Variants in NOX4 observed in about 807,000 individuals in gnomAD.
NOX4 encodes the protein NADPH oxidase 4.
Under a neutral mutation model 87.6 loss-of-function variants are expected in NOX4, and 69 were observed. That is an observed-to-expected ratio of 0.79 (90% CI 0.65 to 0.96). The LOEUF is 0.96. NOX4 is among the 40% of genes least tolerant of loss of function. NOX4 has a pLI of 0.00. For synonymous variants in NOX4, 275 were observed against 238.2 expected, an observed-to-expected ratio of 1.15 and a Z score of -1.42; for missense variants, 680 against 681.5, an observed-to-expected ratio of 1.00 and a Z score of 0.02.
chr11:89,561,971 C>T, the NOX4 span, among the ~76,000 whole-genome samples: 1 of 152,038 alleles, frequency 6.6e-6, no homozygotes, highest in Non-Finnish European at 1.5e-5. Flanking sequence ...GAAAGTACAT[C>T]CCAGGGAAAG....
chr11:89,346,472 T>TAA (rs537516845), intron 13 of NOX4, among the ~76,000 whole-genome samples: 10 of 139,264 alleles, frequency 7.2e-5, no homozygotes, highest in African/African-American at 2.3e-4. Flanking sequence ...TGCCTAAAAA[T>TAA]AAAAAAAAAA....
chr11:89,403,869 G>A (rs1942019273), intron 8 of NOX4, among the ~76,000 whole-genome samples: 1 of 152,172 alleles, frequency 6.6e-6, no homozygotes, highest in African/African-American at 2.4e-5. Context: ...GTCTCTGGTT[G>A]TATTCACCAT....
At chr11:89,350,602 T>C (rs568082845) in intron 13 of NOX4, among the ~76,000 whole-genome samples, 6 of 152,308 alleles carry the variant, frequency 3.9e-5, no homozygotes, top group African/African-American at 1.4e-4. Flanking sequence ...AGTTGCTTTG[T>C]AACCCATATT....
At chr11:89,494,495 G>T (rs2135506462), upstream of NOX4, among the ~76,000 whole-genome samples, 1 of 152,162 alleles carries the variant, frequency 6.6e-6, no homozygotes, top group East Asian at 1.9e-4. Context: ...AACTTCTTAA[G>T]GACAAAAATC....
At position 89,325,909 on chromosome 11, in the gene NOX4, ATGTG is replaced by A. The variant is rs67347334; in HGVS notation, c.*843_*846del. On this transcript the variant is annotated 3_prime_UTR_variant, in exon 18 of 18. Transcript: ENST00000263317. ...TGTATATATATATATATATATATAT[ATGTG>A]TGTGTGTGTGTATATATATATGTGT... 8.2e-5 allele frequency: 10 copies of A among 122,266 alleles called. No homozygotes were observed. Among genetic ancestry groups the A allele is most frequent in the East Asian group, 2.2e-4 (1 of 4,492 alleles). 7.6% of individuals were successfully genotyped at this position (122,266 alleles called of 1,614,324 possible).
intron 2 of NOX4, among the ~76,000 whole-genome samples, chr11:89,489,735 A>AG (rs1189468175): frequency 1.3e-5 from 2 of 151,270 alleles, no homozygotes. Flanking sequence ...CTCAAAAAAA[A>AG]AAAAAGAAAG....
chr11:89,501,107 G>A (rs568716466), upstream of NOX4, among the ~76,000 whole-genome samples: 12 of 152,054 alleles, frequency 7.9e-5, no homozygotes, highest in South Asian at 1.7e-3. Context: ...CGTATTTTTG[G>A]TATGTTTTGG....
chr11:89,532,110 G>A, the NOX4 span, among the ~76,000 whole-genome samples: 2 of 152,226 alleles, frequency 1.3e-5, no homozygotes, highest in Non-Finnish European at 2.9e-5. Flanking sequence ...GAGTGGAAAT[G>A]TGGGGTTTGA....
At chr11:89,578,879 A>G in the NOX4 span, among the ~76,000 whole-genome samples, 1 of 152,214 alleles carries the variant, frequency 6.6e-6, no homozygotes, top group Non-Finnish European at 1.5e-5. Flanking sequence ...TTTATTCCTG[A>G]TTGCCAAGAC....
rs531681477 is a variant in NOX4 at position 89,450,535 on chromosome 11, T to G, written c.265-1011A>C. The stretch of plus-strand genomic sequence containing the variant: ...TGTTTTTGTTTTCTTACATACTTCA[T>G]TTTACAACACTGCATATAATACATG... On this transcript the variant is annotated intron_variant, in intron 3 of 17. Coordinates refer to ENST00000263317, the MANE Select transcript of NOX4 (RefSeq NM_016931.5). Among the ~76,000 whole-genome samples the G allele has an allele frequency of 3.2e-4, 48 of 152,250 alleles. 1 individual carries two copies. The South Asian group carries it at 9.7e-3, about 31-fold the overall frequency.
At chr11:89,372,765 T>G (rs1939539264) in intron 12 of NOX4, among the ~76,000 whole-genome samples, 1 of 152,042 alleles carries the variant, frequency 6.6e-6, no homozygotes, top group Admixed American at 6.6e-5. Context: ...TCTGCATTCT[T>G]TCCTGTAACA....
In NOX4 at chr11:89,436,194, A is replaced by C. The variant is rs577674547; in HGVS notation, c.476-3338T>G. Reference sequence around the variant, plus strand: ...ACAAAAATTCCCAGTCCACTGGTGGAGACAGACAAGTTAAGCAGGAAATTG... The same window carrying C: ...ACAAAAATTCCCAGTCCACTGGTGGCGACAGACAAGTTAAGCAGGAAATTG... On this transcript the variant is annotated intron_variant, in intron 6 of 17. Coordinates refer to ENST00000263317, the MANE Select transcript of NOX4 (RefSeq NM_016931.5). 1.4e-4 allele frequency among the ~76,000 whole-genome samples: 22 copies of C among 152,348 alleles called. No individual in the cohort carries two copies. In the South Asian group the frequency reaches 3.7e-3, roughly 26 times the overall value.
the NOX4 span, among the ~76,000 whole-genome samples, chr11:89,553,364 T>A: frequency 1.3e-5 from 2 of 152,258 alleles, no homozygotes; most frequent in Admixed American, 6.5e-5. Flanking sequence ...CCTGCCTCAC[T>A]CTCTCTCCTG....
rs1276743745 is a variant in NOX4 at position 89,421,927 on chromosome 11, T to G, written c.604A>C (p.Met202Leu). The stretch of plus-strand genomic sequence containing the variant: ...CCTGAAACATGCAACGTCAGCAGCA[T>G]GTAGAAGACAAAGAAGAGGTTATGA... ...YTHNLFFVFY[M>L]LLTLHVSGGL... Residue 202 changes from methionine (M) to leucine (L), a missense_variant, in exon 8 of 18, where the codon ATG becomes CTG. Transcript: ENST00000263317. The G allele has an allele frequency of 2.5e-6, 4 of 1,573,544 alleles. No individual in the cohort carries two copies. The South Asian group carries it at 3.6e-5, about 14-fold the overall frequency.
At chr11:89,497,688 G>C (rs895008244) in intron 1 of NOX4, among the ~76,000 whole-genome samples, 1 of 152,100 alleles carries the variant, frequency 6.6e-6, no homozygotes, top group Non-Finnish European at 1.5e-5. Flanking sequence ...GTCTATATCT[G>C]ACTAAATTGT....
rs528339112 is a variant in NOX4, at chr11:89,456,986, T to C, written c.154-5091A>G. 2.0e-5 allele frequency among the ~76,000 whole-genome samples: 3 copies of C among 152,286 alleles called. No individual in the cohort carries two copies. In the East Asian group the frequency reaches 5.8e-4, roughly 29 times the overall value. On this transcript the variant is annotated intron_variant, in intron 2 of 17. Transcript: ENST00000263317. ...CTCCTGGGTACAGCCTGGCTATATG[T>C]ACCTGCTTGAAGCACAGCCTCTGAT...
At chr11:89,372,039 TCTC>T (rs1470509073) in intron 12 of NOX4, among the ~76,000 whole-genome samples, 2 of 151,810 alleles carry the variant, frequency 1.3e-5, no homozygotes, top group Non-Finnish European at 2.9e-5. Flanking sequence ...AAACTATTGT[TCTC>T]CTCATTTCAA....
intron 8 of NOX4, among the ~76,000 whole-genome samples, chr11:89,410,353 T>C (rs548275292): frequency 6.6e-6 from 1 of 152,136 alleles, no homozygotes; most frequent in Non-Finnish European, 1.5e-5. Context: ...CCTTGATACT[T>C]GAGGAAAATT....
intron 8 of NOX4, among the ~76,000 whole-genome samples, chr11:89,404,937 G>A (rs1942083730): frequency 6.6e-6 from 1 of 152,042 alleles, no homozygotes; most frequent in African/African-American, 2.4e-5. Flanking sequence ...CTTTCATTCA[G>A]GTAAGAGATT....
Sources: gnomAD v4.1 joint callset for allele counts (sites outside exome capture counted in the v4.1 genomes callset) on GRCh38, gnomAD v4.1.1 for gene constraint, MANE v1.5 for transcripts, NCBI Gene and HGNC (gene_info 2026-07-23, HGNC 2026-07-21) for gene names.